Variants in SLC39A11 observed in about 807,000 individuals in gnomAD.
SLC39A11 encodes solute carrier family 39 member 11, also known as zinc transporter ZIP11.
SLC39A11 carries 33 observed loss-of-function variants against 36.1 expected under a neutral mutation model. The observed-to-expected ratio is 0.91, with a 90% CI of 0.69 to 1.22. SLC39A11 has a LOEUF of 1.22. Ranked by LOEUF, SLC39A11 falls within the 50% of genes most tolerant of loss-of-function variation. The probability of loss-of-function intolerance (pLI) is 0.00; values close to 1 mark genes in which losing one functional copy is unlikely to be tolerated. For missense variants in SLC39A11, 432 were observed against 430.3 expected (o/e 1.00, Z -0.03); for synonymous variants, 166 against 170.3 (o/e 0.97, Z 0.20).
At chr17:72,999,097 A>G (rs1441988857) in intron 4 of SLC39A11, among the ~76,000 whole-genome samples, 4 of 152,206 alleles carry the variant, frequency 2.6e-5, no homozygotes. Context: ...GCACGGCCCT[A>G]CATCCCATCC....
intron 7 of SLC39A11, among the ~76,000 whole-genome samples, chr17:72,721,968 C>CAAAAAAAAAAAA (rs11399362): frequency 1.9e-4 from 20 of 104,952 alleles, no homozygotes; most frequent in African/African-American, 6.6e-4. Flanking sequence ...GCCTCCATCT[C>CAAAAAAAAAAAA]AAAAAAAAAA....
chr17:72,956,427 T>C (rs536188450), intron 4 of SLC39A11, among the ~76,000 whole-genome samples: 7 of 152,314 alleles, frequency 4.6e-5, no homozygotes, highest in African/African-American at 1.7e-4. Context: ...TGAGCTTGTA[T>C]TCCAAAGAGC....
intron 6 of SLC39A11, among the ~76,000 whole-genome samples, chr17:72,800,775 G>A (rs2077059366): frequency 6.6e-6 from 1 of 152,198 alleles, no homozygotes; most frequent in African/African-American, 2.4e-5. Flanking sequence ...TTCGCAAATA[G>A]AGAATTGAGA....
chr17:72,674,710 T>C (rs990202672), intron 7 of SLC39A11, among the ~76,000 whole-genome samples: 1 of 152,194 alleles, frequency 6.6e-6, no homozygotes, highest in African/African-American at 2.4e-5. Context: ...AGAGTATAAT[T>C]TCACAGTTTT....
chr17:72,832,449 G>A (rs1262430064), intron 6 of SLC39A11, among the ~76,000 whole-genome samples: 13 of 152,148 alleles, frequency 8.5e-5, no homozygotes, highest in East Asian at 1.9e-4. Context: ...ATTTATCTCC[G>A]TGTCAAGGAG....
At chr17:72,754,071 C>T (rs928587021) in intron 6 of SLC39A11, among the ~76,000 whole-genome samples, 1 of 149,282 alleles carries the variant, frequency 6.7e-6, no homozygotes, top group East Asian at 2.0e-4. Context: ...CACACACACA[C>T]ACACACACAC....
Position 72,890,399 on chromosome 17 carries a change from G to C in SLC39A11, c.431-40595C>G, listed in dbSNP as rs1205315822. 2.0e-5 allele frequency among the ~76,000 whole-genome samples: 3 copies of C among 152,236 alleles called. No homozygotes were observed. The South Asian group carries it at 6.2e-4, about 32-fold the overall frequency. On this transcript the variant is annotated intron_variant, in intron 5 of 9. Coordinates refer to ENST00000255559, the MANE Select transcript of SLC39A11 (RefSeq NM_139177.4). ...CCAGTCATAGTAGGAAGGGATTCAA[G>C]AAACATTTGTGAAGCAAAATCAGCA... is the stretch of plus-strand genomic sequence containing the variant.
At chr17:72,888,921 A>T (rs2081579746) in intron 5 of SLC39A11, among the ~76,000 whole-genome samples, 1 of 152,138 alleles carries the variant, frequency 6.6e-6, no homozygotes, top group African/African-American at 2.4e-5. Context: ...AAGAAAGAAA[A>T]GAAAAAACGA....
chr17:72,852,650 G>T (rs2079420894), intron 5 of SLC39A11, among the ~76,000 whole-genome samples: 1 of 152,210 alleles, frequency 6.6e-6, no homozygotes, highest in African/African-American at 2.4e-5. Context: ...TGAGATATTA[G>T]ATCACCTTCG....
intron 6 of SLC39A11, among the ~76,000 whole-genome samples, chr17:72,845,405 T>C (rs114755537): frequency 0.037 from 5,693 of 152,280 alleles, 367 homozygotes; most frequent in African/African-American, 0.12. Context: ...TCAGGGCCTT[T>C]GCACTGGCTG....
intron 5 of SLC39A11, among the ~76,000 whole-genome samples, chr17:72,912,263 A>C (rs1221646105): frequency 6.6e-6 from 1 of 151,842 alleles, no homozygotes; most frequent in Admixed American, 6.6e-5. Context: ...GGAGAGCTGG[A>C]ACTTCACGAT....
At chr17:72,716,303 G>A (rs908921241) in intron 7 of SLC39A11, among the ~76,000 whole-genome samples, 6 of 152,048 alleles carry the variant, frequency 3.9e-5, no homozygotes, top group African/African-American at 1.4e-4. Context: ...ACAAGCGGGA[G>A]GCGGATGACT....
At chr17:72,778,298 G>T (rs1337587562) in intron 6 of SLC39A11, among the ~76,000 whole-genome samples, 1 of 152,162 alleles carries the variant, frequency 6.6e-6, no homozygotes, top group African/African-American at 2.4e-5. Flanking sequence ...GCAGCAGCAG[G>T]ATTCATGCTC....
At chr17:72,680,422 T>C (rs764273794) in intron 7 of SLC39A11, among the ~76,000 whole-genome samples, 11 of 152,174 alleles carry the variant, frequency 7.2e-5, no homozygotes, top group Non-Finnish European at 1.3e-4. Flanking sequence ...TGGGAAGTAA[T>C]TGAATCATGG....
At chr17:72,740,354 C>T (rs1000739409) in intron 6 of SLC39A11, among the ~76,000 whole-genome samples, 3 of 151,978 alleles carry the variant, frequency 2.0e-5, no homozygotes, top group African/African-American at 7.2e-5. Context: ...CGTAAGCCAC[C>T]GCGCCCGGCC....
intron 4 of SLC39A11, among the ~76,000 whole-genome samples, chr17:73,006,026 A>G (rs1281145895): frequency 6.6e-6 from 1 of 152,146 alleles, no homozygotes; most frequent in Non-Finnish European, 1.5e-5. Flanking sequence ...CAATGCCTAT[A>G]GAGAGCCTGG....
intron 7 of SLC39A11, among the ~76,000 whole-genome samples, chr17:72,676,604 A>G (rs558874629): frequency 9.0e-4 from 137 of 152,216 alleles, no homozygotes; most frequent in African/African-American, 3.3e-3. Context: ...GTCTGCTTAC[A>G]AAGTTGGCCC....
In SLC39A11 at chr17:73,031,564, G is replaced by A; in HGVS notation, c.298C>T (p.Pro100Ser). The part of the protein sequence containing the change: ...AFVYLADLLM[P>S]HLGAAEDPQT... The stretch of plus-strand genomic sequence containing the variant: ...AGTAGAGTGGTACTCACCAAGTGAG[G>A]CATCAGGAGGTCAGCCAAGTAGACA... The change falls in exon 4 of 10, where the codon CCT becomes TCT. Residue 100 changes from proline (P) to serine (S), a missense_variant. Coordinates refer to ENST00000255559, the MANE Select transcript of SLC39A11 (RefSeq NM_139177.4). 1 of 1,614,158 alleles carries A rather than the reference G, an allele frequency of 6.2e-7. No individual in the cohort carries two copies. Among genetic ancestry groups the A allele is most frequent in the Non-Finnish European group, 8.5e-7 (1 of 1,180,020 alleles).
chr17:72,784,311 C>T lies in SLC39A11; in HGVS notation c.602-47592G>A, dbSNP rs1326804497. Among the ~76,000 whole-genome samples the T allele has an allele frequency of 4.6e-5, 7 of 152,218 alleles. No individual in the cohort carries two copies. In the South Asian group the frequency reaches 1.5e-3, roughly 32 times the overall value. On this transcript the variant is annotated intron_variant, in intron 6 of 9. Coordinates refer to ENST00000255559, the MANE Select transcript of SLC39A11 (RefSeq NM_139177.4). ...CGTGAGCAGAGATGGCACCACGATA[C>T]GCCAGCCTGGGCAAGAGAGAGAGAC... is the stretch of plus-strand genomic sequence containing the variant.
Sources: gnomAD v4.1 joint callset for allele counts (sites outside exome capture counted in the v4.1 genomes callset) on GRCh38, gnomAD v4.1.1 for gene constraint, MANE v1.5 for transcripts, NCBI Gene and HGNC (gene_info 2026-07-23, HGNC 2026-07-21) for gene names.